KANSL1L: variants seen among roughly 807,000 people sequenced by gnomAD.
The protein encoded by KANSL1L is KAT8 regulatory NSL complex subunit 1-like protein.
Under a neutral mutation model 108.6 loss-of-function variants are expected in KANSL1L, and 25 were observed. That is an observed-to-expected ratio of 0.23 (90% CI 0.17 to 0.32). KANSL1L has a LOEUF of 0.32. Among genes scored for constraint, KANSL1L ranks in the 10% least tolerant of loss-of-function variants. The pLI is 1.00. For missense variants in KANSL1L, 1,137 were observed against 1,125.7 expected (o/e 1.01, Z -0.14); for synonymous variants, 405 against 395.1 (o/e 1.03, Z -0.30).
At chr2:210,030,432 C>T (rs2093999565) in intron 9 of KANSL1L, among the ~76,000 whole-genome samples, 1 of 149,388 alleles carries the variant, frequency 6.7e-6, no homozygotes, top group African/African-American at 2.5e-5. Flanking sequence ...GATGAAATTT[C>T]TCATATCTCT....
chr2:210,093,014 A>C (rs112867304), intron 5 of KANSL1L, among the ~76,000 whole-genome samples: 5 of 152,084 alleles, frequency 3.3e-5, no homozygotes, highest in South Asian at 2.1e-4. Flanking sequence ...AAACAGTTTT[A>C]CTTCCAATGT....
At chr2:210,133,194 A>G (rs754130018) in intron 2 of KANSL1L, among the ~76,000 whole-genome samples, 1 of 152,160 alleles carries the variant, frequency 6.6e-6, no homozygotes, top group Admixed American at 6.6e-5. Flanking sequence ...AATGATGTAC[A>G]TGTGCATATA....
At chr2:210,161,592 CTAAA>C (rs1376713456) in intron 1 of KANSL1L, among the ~76,000 whole-genome samples, 1 of 151,996 alleles carries the variant, frequency 6.6e-6, no homozygotes, top group Non-Finnish European at 1.5e-5. Flanking sequence ...AAATTAAATA[CTAAA>C]TAAACTTTTT....
intron 6 of KANSL1L, among the ~76,000 whole-genome samples, chr2:210,048,206 T>C (rs374540263): frequency 2.6e-5 from 4 of 152,186 alleles, no homozygotes; most frequent in African/African-American, 9.7e-5. Flanking sequence ...TCCCCATAAC[T>C]ATCATTACTG....
chr2:210,111,468 C>T (rs1032734821), intron 3 of KANSL1L, among the ~76,000 whole-genome samples: 8 of 151,894 alleles, frequency 5.3e-5, no homozygotes, highest in Middle Eastern at 3.2e-3. Context: ...TAGTGGTTGC[C>T]AGAGAAAAGA....
intron 2 of KANSL1L, among the ~76,000 whole-genome samples, chr2:210,135,742 T>C (rs1305780563): frequency 6.6e-6 from 1 of 152,170 alleles, no homozygotes; most frequent in Admixed American, 6.6e-5. Context: ...ATAAATTCTA[T>C]ATATTTATGT....
At chr2:210,144,765 C>A (rs1020465613) in intron 2 of KANSL1L, among the ~76,000 whole-genome samples, 1 of 152,098 alleles carries the variant, frequency 6.6e-6, no homozygotes, top group Non-Finnish European at 1.5e-5. Flanking sequence ...GTTTACTGAG[C>A]CACCTTAAAA....
At chr2:210,092,603 T>A (rs1362862340) in intron 5 of KANSL1L, among the ~76,000 whole-genome samples, 1 of 152,226 alleles carries the variant, frequency 6.6e-6, no homozygotes, top group Non-Finnish European at 1.5e-5. Context: ...GTCATCAGTG[T>A]TTGGTAATTC....
At chr2:210,073,927 C>A (rs2094525028) in intron 6 of KANSL1L, among the ~76,000 whole-genome samples, 1 of 152,120 alleles carries the variant, frequency 6.6e-6, no homozygotes, top group African/African-American at 2.4e-5. Flanking sequence ...CAAGGCCCTG[C>A]AGATCTGGAA....
Position 210,089,749 on chromosome 2 carries a change from T to C in KANSL1L, c.1550+8337A>G, listed in dbSNP as rs577929322. 5.9e-5 allele frequency among the ~76,000 whole-genome samples: 9 copies of C among 152,048 alleles called. No individual in the cohort carries two copies. In the South Asian group the frequency reaches 6.2e-4, roughly 11 times the overall value. ...GTCCCAAGATGGTCTTTTGAGGAGA[T>C]AGATTTTTGTATGAGAATAAAACCC... On this transcript the variant is annotated intron_variant, in intron 5 of 14. Coordinates refer to ENST00000281772, the MANE Select transcript of KANSL1L (RefSeq NM_152519.4).
intron 3 of KANSL1L, among the ~76,000 whole-genome samples, chr2:210,114,095 A>G (rs992194422): frequency 8.5e-5 from 13 of 152,174 alleles, no homozygotes; most frequent in Non-Finnish European, 1.8e-4. Context: ...TGAGCTCCAA[A>G]TAAGATGAAT....
At chr2:210,119,702 C>G (rs930230407) in intron 3 of KANSL1L, among the ~76,000 whole-genome samples, 3 of 152,016 alleles carry the variant, frequency 2.0e-5, no homozygotes, top group African/African-American at 7.3e-5. Flanking sequence ...CAATAAAAGC[C>G]ATATATGATA....
intron 6 of KANSL1L, among the ~76,000 whole-genome samples, chr2:210,053,007 T>A (rs899733193): frequency 6.6e-6 from 1 of 152,218 alleles, no homozygotes; most frequent in Admixed American, 6.5e-5. Flanking sequence ...GGGCTTAACC[T>A]GGTGGAATTC....
In KANSL1L at chr2:210,154,375, A is replaced by G. The variant is rs2095321971; in HGVS notation, c.208T>C (p.Ser70Pro). 3 of 1,610,044 alleles carry G rather than the reference A, an allele frequency of 1.9e-6. No homozygotes were observed. Among genetic ancestry groups the G allele is most frequent in the Non-Finnish European group, 2.5e-6 (3 of 1,178,450 alleles). ...TNFVNLKHFG[S>P]PQSSKHYQTV... The stretch of plus-strand genomic sequence containing the variant: ...TGGTAATGTTTTGAAGACTGAGGGG[A>G]GCCAAAATGTTTTAAATTCACAAAA... The change falls in exon 2 of 15, where the codon TCC becomes CCC. Residue 70 changes from serine (S) to proline (P), a missense_variant. Ser to Pro is a moderately conservative substitution (Grantham distance 74). Coordinates refer to ENST00000281772, the MANE Select transcript of KANSL1L (RefSeq NM_152519.4).
chr2:210,135,188 C>T (rs7567227), intron 2 of KANSL1L, among the ~76,000 whole-genome samples: 140,956 of 152,136 alleles, frequency 0.93, 66,267 homozygotes, highest in East Asian at 1. Flanking sequence ...AATTAGGAAA[C>T]TTGTCTCTTA....
At chr2:210,150,794 A>G (rs982010179) in intron 2 of KANSL1L, among the ~76,000 whole-genome samples, 2 of 151,860 alleles carry the variant, frequency 1.3e-5, no homozygotes, top group African/African-American at 2.4e-5. Context: ...AAAAAAAAAA[A>G]AAAGAAAAAA....
intron 2 of KANSL1L, among the ~76,000 whole-genome samples, chr2:210,139,649 T>C (rs2095209662): frequency 6.6e-6 from 1 of 152,196 alleles, no homozygotes; most frequent in African/African-American, 2.4e-5. Context: ...CCCTGATGAT[T>C]AGTGATGTTG....
At chr2:210,071,075 T>TG (rs2094504503) in intron 6 of KANSL1L, among the ~76,000 whole-genome samples, 1 of 151,804 alleles carries the variant, frequency 6.6e-6, no homozygotes, top group African/African-American at 2.4e-5. Context: ...GGAAAACTGC[T>TG]TGAACCCGGG....
chr2:210,123,045 C>T (rs1436905605), intron 3 of KANSL1L, among the ~76,000 whole-genome samples: 1 of 152,052 alleles, frequency 6.6e-6, no homozygotes, highest in Non-Finnish European at 1.5e-5. Context: ...GGGAATAAAA[C>T]ATGCTGGCAA....
Sources: allele counts gnomAD v4.1 joint callset (sites outside exome capture counted in the v4.1 genomes callset), GRCh38; gene constraint gnomAD v4.1.1; transcripts MANE v1.5; gene names NCBI Gene and HGNC (gene_info 2026-07-23, HGNC 2026-07-21).